The following GRM8 variants were observed in gnomAD, a reference collection of about 807,000 sequenced individuals.
GRM8 encodes the protein metabotropic glutamate receptor 8.
GRM8 carries 47 observed loss-of-function variants against 87.2 expected under a neutral mutation model. The observed-to-expected ratio is 0.54, with a 90% CI of 0.43 to 0.69. The LOEUF is 0.69. GRM8 is among the 30% of genes least tolerant of loss of function. GRM8 has a pLI of 0.00. For missense variants in GRM8, 1,019 were observed against 1,139.2 expected, an observed-to-expected ratio of 0.89 and a Z score of 1.52; for synonymous variants, 396 against 404.5, an observed-to-expected ratio of 0.98 and a Z score of 0.25.
intron 9 of GRM8, among the ~76,000 whole-genome samples, chr7:126,456,223 G>C (rs917811954): frequency 4.6e-5 from 7 of 151,346 alleles, no homozygotes; most frequent in Non-Finnish European, 3.0e-5. Flanking sequence ...AGGACTCAGG[G>C]GACCAAGATC....
At chr7:126,895,475 A>C (rs1280851627) in intron 6 of GRM8, among the ~76,000 whole-genome samples, 1 of 152,232 alleles carries the variant, frequency 6.6e-6, no homozygotes, top group Middle Eastern at 3.4e-3. Flanking sequence ...CAAAATCTGC[A>C]TGTTAACAAG....
chr7:126,604,541 A>G (rs1053666230), intron 8 of GRM8, among the ~76,000 whole-genome samples: 2 of 152,134 alleles, frequency 1.3e-5, no homozygotes, highest in African/African-American at 4.8e-5. Context: ...GTACCAGTCA[A>G]TGTTCTAGGA....
chr7:127,014,296 C>A (rs17868673), intron 3 of GRM8, among the ~76,000 whole-genome samples: 1,523 of 152,202 alleles, frequency 0.01, 29 homozygotes, highest in African/African-American at 0.034. Flanking sequence ...TAACCATGAC[C>A]AAGACTTTAA....
In GRM8 at chr7:126,862,044, G is replaced by A. The variant is rs534138010; in HGVS notation, c.1156+40498C>T. Among the ~76,000 whole-genome samples the A allele has an allele frequency of 4.7e-4, 71 of 151,876 alleles. 1 individual carries two copies. Among genetic ancestry groups the A allele is most frequent in the African/African-American group, 1.6e-3 (67 of 41,472 alleles). Reference sequence around the variant, plus strand: ...AGAACTCTCTTGCTATTCCAAGGCAGAATATATATGTATAGATTCCCCTAT... The same window carrying A: ...AGAACTCTCTTGCTATTCCAAGGCAAAATATATATGTATAGATTCCCCTAT... On this transcript the variant is annotated intron_variant, in intron 6 of 10. Transcript: ENST00000339582.
intron 2 of GRM8, among the ~76,000 whole-genome samples, chr7:127,162,601 A>G (rs993605179): frequency 3.9e-5 from 6 of 152,132 alleles, no homozygotes; most frequent in Non-Finnish European, 8.8e-5. Context: ...CTGAGTAGGG[A>G]GTTAATAGTA....
intron 7 of GRM8, among the ~76,000 whole-genome samples, chr7:126,655,382 A>C (rs191569471): frequency 1.4e-3 from 209 of 152,156 alleles, no homozygotes; most frequent in African/African-American, 4.9e-3. Flanking sequence ...ATATAGTTTG[A>C]CTCTGTATCC....
intron 7 of GRM8, among the ~76,000 whole-genome samples, chr7:126,740,717 G>T (rs1814859184): frequency 6.6e-6 from 1 of 152,142 alleles, no homozygotes; most frequent in South Asian, 2.1e-4. Flanking sequence ...TCATGAAAAT[G>T]TGCTGAGAGA....
At chr7:126,615,809 C>T (rs1799427886) in intron 7 of GRM8, among the ~76,000 whole-genome samples, 2 of 152,140 alleles carry the variant, frequency 1.3e-5, no homozygotes, top group Non-Finnish European at 2.9e-5. Flanking sequence ...GGGATCAATT[C>T]AACAAGAAGA....
At chr7:126,814,230 TCTTAA>T (rs528603652) in intron 6 of GRM8, among the ~76,000 whole-genome samples, 121 of 152,168 alleles carry the variant, frequency 8.0e-4, no homozygotes, top group Non-Finnish European at 1.6e-3. Context: ...AAGATTGACT[TCTTAA>T]CTTGTTTACA....
chr7:127,043,758 G>A (rs1178456429), intron 3 of GRM8, among the ~76,000 whole-genome samples: 5 of 152,018 alleles, frequency 3.3e-5, no homozygotes, highest in African/African-American at 9.7e-5. Flanking sequence ...AAAACTTAAA[G>A]TATAATAAAA....
chr7:126,718,145 G>A (rs925064881), intron 7 of GRM8, among the ~76,000 whole-genome samples: 2 of 152,116 alleles, frequency 1.3e-5, no homozygotes, highest in Non-Finnish European at 2.9e-5. Flanking sequence ...GCTGAGGCAG[G>A]AGAATGGCGT....
rs1468373037 is a variant in GRM8 at position 126,456,546 on chromosome 7, A to T, written c.2431-10174T>A. On this transcript the variant is annotated intron_variant, in intron 9 of 10. Transcript: ENST00000339582. ...AAAAAAAAAAAAAAAAAAAAAAAAA[A>T]TCAAACATAATCTAGATTCAGAGAG... Among the ~76,000 whole-genome samples the T allele has an allele frequency of 2.8e-5, 4 of 142,628 alleles. No individual in the cohort carries two copies. The East Asian group carries it at 8.1e-4, about 29-fold the overall frequency. 93.6% of individuals were successfully genotyped at this position (142,628 alleles called of 152,430 possible). A position where few individuals can be genotyped will look rare whatever the true frequency, so the allele number is the denominator to read the frequency against.
intron 3 of GRM8, among the ~76,000 whole-genome samples, chr7:126,972,802 T>C (rs1030853005): frequency 2.6e-5 from 4 of 152,208 alleles, no homozygotes; most frequent in African/African-American, 9.6e-5. Flanking sequence ...GTATGGGGAA[T>C]TGTAATCCAT....
intron 2 of GRM8, among the ~76,000 whole-genome samples, chr7:127,135,392 G>C (rs1827893171): frequency 6.6e-6 from 1 of 151,994 alleles, no homozygotes; most frequent in Middle Eastern, 3.4e-3. Flanking sequence ...AGCTATTATA[G>C]ATATTTGAAA....
chr7:127,127,069 C>A (rs368974642), intron 2 of GRM8, among the ~76,000 whole-genome samples: 1 of 151,890 alleles, frequency 6.6e-6, no homozygotes, highest in Non-Finnish European at 1.5e-5. Flanking sequence ...ACTGACAATA[C>A]CAAGTAGGGC....
At chr7:126,857,138 T>C (rs2130781958) in intron 6 of GRM8, among the ~76,000 whole-genome samples, 1 of 152,338 alleles carries the variant, frequency 6.6e-6, no homozygotes, top group South Asian at 2.1e-4. Context: ...ATGCCTATTC[T>C]AGAAGGGACA....
intron 7 of GRM8, among the ~76,000 whole-genome samples, chr7:126,669,949 T>A (rs920265536): frequency 6.6e-6 from 1 of 152,196 alleles, no homozygotes; most frequent in African/African-American, 2.4e-5. Flanking sequence ...GAAGAGGTTC[T>A]CTGGGTGAAC....
At chr7:127,202,505 G>A (rs909384694) in intron 2 of GRM8, among the ~76,000 whole-genome samples, 7 of 152,026 alleles carry the variant, frequency 4.6e-5, no homozygotes, top group Non-Finnish European at 8.8e-5. Flanking sequence ...TGCATTCTAC[G>A]TATTTACAAA....
Position 126,540,825 on chromosome 7 carries a change from A to G in GRM8, c.1495-6938T>C, listed in dbSNP as rs545955380. On this transcript the variant is annotated intron_variant, in intron 8 of 10. Coordinates refer to ENST00000339582, the MANE Select transcript of GRM8 (RefSeq NM_000845.3). ...TCTTGGATGATGATGAAAATGAACT[A>G]AACTTAGATATTGGTGATGGATGTG... Among the ~76,000 whole-genome samples, 45 of 152,364 alleles carry G rather than the reference A, an allele frequency of 3.0e-4. 1 individual carries two copies. In the South Asian group the frequency reaches 9.3e-3, roughly 32 times the overall value.
Sources: allele counts gnomAD v4.1 joint callset (sites outside exome capture counted in the v4.1 genomes callset), GRCh38; gene constraint gnomAD v4.1.1; transcripts MANE v1.5; gene names NCBI Gene and HGNC (gene_info 2026-07-23, HGNC 2026-07-21).